The following GALNT13 variants were observed in gnomAD, a reference collection of about 807,000 sequenced individuals.
GALNT13 encodes the protein UDP-GalNAc:polypeptide N-acetylgalactosaminyltransferase 13.
In GALNT13, 28 loss-of-function variants were observed where a neutral mutation model predicts 64.2. The ratio of observed to expected loss-of-function variants is 0.44; its 90% confidence interval spans 0.32 to 0.60. The LOEUF is 0.60. Among genes scored for constraint, GALNT13 ranks in the 20% least tolerant of loss-of-function variants. GALNT13 has a pLI of 0.05. For missense variants in GALNT13, 577 were observed against 669.8 expected (o/e 0.86, Z 1.53); for synonymous variants, 214 against 224.6 (o/e 0.95, Z 0.42).
the GALNT13 span, among the ~76,000 whole-genome samples, chr2:153,454,468 A>C: frequency 6.6e-6 from 1 of 152,162 alleles, no homozygotes. Context: ...CTTACTAGAA[A>C]GCTCTTCTTG....
chr2:153,364,590 A>G, the GALNT13 span, among the ~76,000 whole-genome samples: 1 of 152,172 alleles, frequency 6.6e-6, no homozygotes, highest in Admixed American at 6.5e-5. Flanking sequence ...CTACGCCAAC[A>G]ATAGACAAGC....
intron 9 of GALNT13, among the ~76,000 whole-genome samples, chr2:154,380,423 A>G (rs1020198805): frequency 6.6e-6 from 1 of 152,028 alleles, no homozygotes; most frequent in Non-Finnish European, 1.5e-5. Flanking sequence ...TTTTTAATGT[A>G]GCCTTAAATA....
the GALNT13 span, among the ~76,000 whole-genome samples, chr2:153,645,169 A>G: frequency 1.3e-5 from 2 of 152,140 alleles, no homozygotes; most frequent in African/African-American, 4.8e-5. Context: ...AATATGAAGA[A>G]AAATACGCGC....
At chr2:153,231,000 C>T in the GALNT13 span, among the ~76,000 whole-genome samples, 1 of 152,136 alleles carries the variant, frequency 6.6e-6, no homozygotes, top group African/African-American at 2.4e-5. Context: ...AGATGCTTTT[C>T]TTGATTGTCT....
chr2:153,866,913 G>T, the GALNT13 span, among the ~76,000 whole-genome samples: 3 of 152,106 alleles, frequency 2.0e-5, no homozygotes, highest in African/African-American at 7.2e-5. Context: ...ATTTACATCA[G>T]TTAAAATCTT....
intron 3 of GALNT13, among the ~76,000 whole-genome samples, chr2:153,962,091 A>G (rs948049841): frequency 1.3e-5 from 2 of 152,186 alleles, no homozygotes; most frequent in African/African-American, 4.8e-5. Context: ...TGTTTACCTT[A>G]CACACAACCC....
the GALNT13 span, among the ~76,000 whole-genome samples, chr2:153,349,666 A>C: frequency 6.6e-6 from 1 of 152,214 alleles, no homozygotes; most frequent in South Asian, 2.1e-4. Flanking sequence ...ATCACTTCTA[A>C]ATTTGCCTTA....
rs1344107837 is a variant in GALNT13 at position 154,451,266 on chromosome 2, C to T, written c.*715C>T. ...GCACTTCGATCACTGTGAGAGAACT[C>T]AAAGTGGGTTGCAATCATTCCTAAC... On this transcript the variant is annotated 3_prime_UTR_variant, in exon 13 of 13. Coordinates refer to ENST00000392825, the MANE Select transcript of GALNT13 (RefSeq NM_052917.4). 6.6e-6 allele frequency: 1 copy of T among 152,090 alleles called. No homozygotes were observed. The highest frequency in any genetic ancestry group is 2.1e-4 in the South Asian group (1 of 4,832). 9.4% of individuals were successfully genotyped at this position (152,090 alleles called of 1,614,324 possible).
chr2:153,759,926 G>A, the GALNT13 span, among the ~76,000 whole-genome samples: 1 of 151,998 alleles, frequency 6.6e-6, no homozygotes, highest in South Asian at 2.1e-4. Flanking sequence ...ATCAGATCCT[G>A]AACATTTACT....
the GALNT13 span, among the ~76,000 whole-genome samples, chr2:153,716,975 G>C: frequency 2.6e-5 from 4 of 151,834 alleles, no homozygotes; most frequent in African/African-American, 4.8e-5. Context: ...TCTAAACAAT[G>C]TTAGTTTGCC....
chr2:153,093,681 A>G, the GALNT13 span, among the ~76,000 whole-genome samples: 1 of 152,024 alleles, frequency 6.6e-6, no homozygotes, highest in Admixed American at 6.6e-5. Flanking sequence ...TCAGGGTAAT[A>G]TTGGCCTCAC....
At chr2:154,119,612 TTTTTTATTC>T in intron 3 of GALNT13, among the ~76,000 whole-genome samples, 1 of 125,930 alleles carries the variant, frequency 7.9e-6, no homozygotes, top group African/African-American at 3.5e-5. Flanking sequence ...TTCTTTATTC[TTTTTTATTC>T]TTTTGTCTTT....
chr2:153,641,213 G>A, the GALNT13 span, among the ~76,000 whole-genome samples: 1 of 152,000 alleles, frequency 6.6e-6, no homozygotes, highest in Non-Finnish European at 1.5e-5. Flanking sequence ...GAAATGAAAG[G>A]TCTACTCTAA....
the GALNT13 span, among the ~76,000 whole-genome samples, chr2:153,198,246 A>G: frequency 6.6e-6 from 1 of 151,858 alleles, no homozygotes; most frequent in Non-Finnish European, 1.5e-5. Flanking sequence ...ATGAGTTCCC[A>G]CTCTGAAGCC....
the GALNT13 span, among the ~76,000 whole-genome samples, chr2:153,814,449 A>ATAAGTAAGTAAGTAAGTAAGTAAGTAAG: frequency 6.7e-6 from 1 of 148,306 alleles, no homozygotes; most frequent in African/African-American, 2.5e-5. Flanking sequence ...CAATAAATAA[A>ATAAGTAAGTAAGTAAGTAAGTAAGTAAG]TAAGTAAGTA....
chr2:153,803,542 G>A, the GALNT13 span, among the ~76,000 whole-genome samples: 50 of 151,864 alleles, frequency 3.3e-4, no homozygotes, highest in African/African-American at 8.2e-4. Flanking sequence ...AATACAAAAA[G>A]TTAGCCGGGC....
At chr2:153,490,154 T>C in the GALNT13 span, among the ~76,000 whole-genome samples, 1 of 152,224 alleles carries the variant, frequency 6.6e-6, no homozygotes, top group African/African-American at 2.4e-5. Flanking sequence ...GTTCGGTTCT[T>C]GTGACAGGAA....
chr2:153,730,033 C>A, the GALNT13 span, among the ~76,000 whole-genome samples: 3 of 151,860 alleles, frequency 2.0e-5, no homozygotes, highest in Admixed American at 2.0e-4. Flanking sequence ...TCTACAGATT[C>A]AGTGCAACAC....
the GALNT13 span, among the ~76,000 whole-genome samples, chr2:153,392,088 C>T: frequency 6.8e-6 from 1 of 148,128 alleles, no homozygotes; most frequent in African/African-American, 2.5e-5. Flanking sequence ...TGATTCATCA[C>T]ATTAAATATG....
Sources: allele counts gnomAD v4.1 joint callset (sites outside exome capture counted in the v4.1 genomes callset), GRCh38; gene constraint gnomAD v4.1.1; transcripts MANE v1.5; gene names NCBI Gene and HGNC (gene_info 2026-07-23, HGNC 2026-07-21).